Variants in PSD2 observed in about 807,000 individuals in gnomAD.
PSD2 encodes the protein pleckstrin and Sec7 domain containing 2.
In PSD2, 38 loss-of-function variants were observed where a neutral mutation model predicts 69.8. That is an observed-to-expected ratio of 0.54 (90% CI 0.42 to 0.71). PSD2 has a LOEUF of 0.71. Ranked by LOEUF, PSD2 falls within the 30% of genes least tolerant of loss-of-function variation. PSD2 has a pLI of 0.00. For missense variants in PSD2, 943 were observed against 1,014.5 expected (o/e 0.93, Z 0.96); for synonymous variants, 412 against 423.0 (o/e 0.97, Z 0.32).
In PSD2 at chr5:139,833,632, A is replaced by AG; in HGVS notation, c.1270-67dup. ...TGCTGCCTCATCCCTCTGGCTGGGC[A>AG]GGGCAGGGTGTGTGGGGAACACACC... is the stretch of plus-strand genomic sequence containing the variant. On this transcript the variant is annotated intron_variant, in intron 7 of 14. Transcript: ENST00000274710. 5 of 1,057,750 alleles carry AG rather than the reference A, an allele frequency of 4.7e-6. No individual in the cohort carries two copies. In the South Asian group the frequency reaches 5.0e-5, roughly 11 times the overall value. 65.5% of individuals were successfully genotyped at this position (1,057,750 alleles called of 1,614,324 possible).
the PSD2 span, among the ~76,000 whole-genome samples, chr5:139,786,989 C>T: frequency 6.6e-6 from 1 of 152,158 alleles, no homozygotes; most frequent in Non-Finnish European, 1.5e-5. Flanking sequence ...GATTCTGTCA[C>T]TCGCACAACC....
the PSD2 span, among the ~76,000 whole-genome samples, chr5:139,763,830 G>A: frequency 6.6e-6 from 1 of 152,200 alleles, no homozygotes; most frequent in Non-Finnish European, 1.5e-5. Context: ...TGCTATGCCT[G>A]GTCGACTTGC....
intron 7 of PSD2, among the ~76,000 whole-genome samples, chr5:139,823,064 T>G (rs992358007): frequency 6.6e-6 from 1 of 152,192 alleles, no homozygotes. Flanking sequence ...AGAGATCATG[T>G]GCCCTTTGTG....
chr5:139,781,956 C>T, the PSD2 span, among the ~76,000 whole-genome samples: 3 of 151,932 alleles, frequency 2.0e-5, no homozygotes, highest in African/African-American at 7.3e-5. Flanking sequence ...TCTCTGAAAT[C>T]GCACACACAC....
intron 1 of PSD2, among the ~76,000 whole-genome samples, chr5:139,802,818 C>A (rs769545181): frequency 1.3e-5 from 2 of 152,138 alleles, no homozygotes; most frequent in Non-Finnish European, 2.9e-5. Context: ...GGGAGAGAAG[C>A]AAGCTGGGAG....
At position 139,842,381 on chromosome 5, in the gene PSD2, T is replaced by G. The variant is rs951934408; in HGVS notation, c.2223T>G (p.Pro741=). The part of the protein sequence containing the change: ...ARLATLEGDD[P]SLRKTHSSPA... ...TGGCCACTCTGGAAGGGGATGACCC[T>G]TCTCTCCGGAAGACACATTCAAGCC... is the stretch of plus-strand genomic sequence containing the variant. The change falls in exon 15 of 15, where the codon CCT becomes CCG. Residue 741 remains proline (P), a synonymous_variant. Transcript: ENST00000274710. The G allele has an allele frequency of 6.2e-7, 1 of 1,614,186 alleles. No homozygotes were observed. Among genetic ancestry groups the G allele is most frequent in the Non-Finnish European group, 8.5e-7 (1 of 1,180,030 alleles).
the PSD2 span, among the ~76,000 whole-genome samples, chr5:139,766,191 A>T: frequency 8.5e-5 from 13 of 152,212 alleles, no homozygotes; most frequent in Admixed American, 7.9e-4. Flanking sequence ...ATCTGAACTC[A>T]GGAAGTCTAC....
intron 7 of PSD2, among the ~76,000 whole-genome samples, chr5:139,828,311 C>T (rs1027211269): frequency 2.6e-5 from 4 of 152,158 alleles, no homozygotes; most frequent in Admixed American, 2.0e-4. Context: ...AGAAGTCATT[C>T]CAGGAGAGCT....
chr5:139,773,603 T>G, the PSD2 span, among the ~76,000 whole-genome samples: 1 of 152,230 alleles, frequency 6.6e-6, no homozygotes, highest in Non-Finnish European at 1.5e-5. Flanking sequence ...CTTCTGTGAC[T>G]GGCTTATTTC....
intron 1 of PSD2, among the ~76,000 whole-genome samples, chr5:139,804,861 G>A (rs1179545997): frequency 6.6e-6 from 1 of 151,972 alleles, no homozygotes; most frequent in Non-Finnish European, 1.5e-5. Flanking sequence ...TTCCCTCTGT[G>A]TGTGTGCGTG....
intron 1 of PSD2, among the ~76,000 whole-genome samples, chr5:139,808,677 A>G (rs1759870249): frequency 6.6e-6 from 1 of 152,078 alleles, no homozygotes; most frequent in Admixed American, 6.5e-5. Flanking sequence ...TTCCTCCCAG[A>G]CAGCTGGGGC....
At chr5:139,743,070 G>A in the PSD2 span, among the ~76,000 whole-genome samples, 1 of 152,224 alleles carries the variant, frequency 6.6e-6, no homozygotes, top group African/African-American at 2.4e-5. Context: ...CCGGCAAGCT[G>A]AGACCCTCAG....
Position 139,837,048 on chromosome 5 carries a change from A to AG in PSD2, c.1594+53dup, listed in dbSNP as rs576274025. On this transcript the variant is annotated intron_variant, in intron 10 of 14. Coordinates refer to ENST00000274710, the MANE Select transcript of PSD2 (RefSeq NM_032289.4). The surrounding 1 kb of genome is among the most constrained non-coding windows in gnomAD (Gnocchi z 5.0). Reference sequence around the variant, plus strand: ...GGGCATGGGAGGGAGGCTGGCACAGAGGGGGGCGCCACGGGCCACTCTTTG... The same window carrying AG: ...GGGCATGGGAGGGAGGCTGGCACAGAGGGGGGGCGCCACGGGCCACTCTTTG... 5 of 1,597,912 alleles carry AG rather than the reference A, an allele frequency of 3.1e-6. No homozygotes were observed. The highest frequency in any genetic ancestry group is 1.3e-5 in the African/African-American group (1 of 74,736).
At chr5:139,745,670 G>C in the PSD2 span, among the ~76,000 whole-genome samples, 1 of 152,206 alleles carries the variant, frequency 6.6e-6, no homozygotes. Flanking sequence ...GGGCAGTGCG[G>C]AGCTGCTGCG....
Position 139,814,194 on chromosome 5 carries a change from G to T in PSD2, c.846G>T (p.Leu282=). Residue 282 remains leucine (L), a synonymous_variant, in exon 4 of 15, where the codon CTG becomes CTT. Coordinates refer to ENST00000274710, the MANE Select transcript of PSD2 (RefSeq NM_032289.4). The surrounding 1 kb of genome is among the most constrained non-coding windows in gnomAD (Gnocchi z 4.4). ...SASDPSLKDG[L]SDSDSELSSS... ...GTGACCCCAGCCTGAAGGATGGCCTGTCAGACTCAGACTCTGAGCTCAGCA... is the reference window on the plus strand; with the variant it reads ...GTGACCCCAGCCTGAAGGATGGCCTTTCAGACTCAGACTCTGAGCTCAGCA... 5 of 1,613,740 alleles carry T rather than the reference G, an allele frequency of 3.1e-6. No individual in the cohort carries two copies. The highest frequency in any genetic ancestry group is 4.2e-6 in the Non-Finnish European group (5 of 1,179,838).
At chr5:139,791,523 T>C (rs1759415781), upstream of PSD2, among the ~76,000 whole-genome samples, 1 of 152,072 alleles carries the variant, frequency 6.6e-6, no homozygotes, top group Non-Finnish European at 1.5e-5. Context: ...ATAAAGGGCA[T>C]TTATGAAAAA....
chr5:139,806,296 C>T (rs945512253), intron 1 of PSD2, among the ~76,000 whole-genome samples: 1 of 152,248 alleles, frequency 6.6e-6, no homozygotes, highest in Non-Finnish European at 1.5e-5. Flanking sequence ...TGGGAAGGGC[C>T]ACTGCTTTGG....
rs1760797675 is a variant in PSD2 at position 139,838,642 on chromosome 5, T to C, written c.1838T>C (p.Met613Thr). ...FLFQAPSKEE[M>T]LSWILRINLV... The stretch of plus-strand genomic sequence containing the variant: ...CCTGTCCCCAGGAGCAAGGAAGAAA[T>C]GCTGTCCTGGATCCTCAGGATCAAC... Residue 613 changes from methionine to threonine, a missense_variant, in exon 13 of 15, where the codon ATG becomes ACG. Physicochemically the swap from Met to Thr is moderately conservative, Grantham distance 81 (BLOSUM62 -1). Coordinates refer to ENST00000274710, the MANE Select transcript of PSD2 (RefSeq NM_032289.4). 6.2e-7 allele frequency: 1 copy of C among 1,613,098 alleles called. No homozygotes were observed. The highest frequency in any genetic ancestry group is 1.7e-5 in the Admixed American group (1 of 59,970).
At chr5:139,838,875 C>A in intron 13 of PSD2, 103 bp downstream of exon 13, 1 of 1,315,288 alleles carries the variant, frequency 7.6e-7, no homozygotes, top group Non-Finnish European at 1.1e-6. Flanking sequence ...GCTGGGTGAT[C>A]CTGGGCTGAA....
Sources: allele counts gnomAD v4.1 joint callset (sites outside exome capture counted in the v4.1 genomes callset), GRCh38; gene constraint gnomAD v4.1.1; non-coding constraint Gnocchi (gnomAD v3.1); transcripts MANE v1.5; gene names NCBI Gene and HGNC (gene_info 2026-07-23, HGNC 2026-07-21).